The following GHR variants were observed in gnomAD, a reference collection of about 807,000 sequenced individuals.
GHR encodes the protein growth hormone receptor, also known as GH receptor.
Under a neutral mutation model 67.1 loss-of-function variants are expected in GHR, and 35 were observed. The observed-to-expected ratio is 0.52, with a 90% confidence interval of 0.40 to 0.69. The LOEUF is 0.69. Ranked by LOEUF, GHR falls within the 30% of genes least tolerant of loss-of-function variation. The pLI, the probability that GHR is intolerant of heterozygous loss-of-function variation, is 0.00. For synonymous variants in GHR, 272 were observed against 269.1 expected, an observed-to-expected ratio of 1.01 and a Z score of -0.10; for missense variants, 792 against 764.6, an observed-to-expected ratio of 1.04 and a Z score of -0.42.
chr5:42,699,685 A>G, intron 5 of GHR, 139 bp from the exon 6 acceptor site: 2 of 695,446 alleles, frequency 2.9e-6, no homozygotes, highest in Non-Finnish European at 5.2e-6. Flanking sequence ...AGTGAAAGTT[A>G]TAATAAGAAA....
chr5:42,575,906 C>T (rs1455105274), intron 2 of GHR, among the ~76,000 whole-genome samples: 1 of 151,266 alleles, frequency 6.6e-6, no homozygotes, highest in African/African-American at 2.4e-5. Context: ...GGGTGGCGGG[C>T]ACCTGTAGTC....
chr5:42,496,073 G>T (rs1009842954), intron 1 of GHR, among the ~76,000 whole-genome samples: 3 of 152,148 alleles, frequency 2.0e-5, no homozygotes, highest in Non-Finnish European at 4.4e-5. Flanking sequence ...TTGGTAAAAA[G>T]TATTACAAAT....
chr5:42,559,907 C>A (rs1173882692), intron 1 of GHR, among the ~76,000 whole-genome samples: 1 of 151,964 alleles, frequency 6.6e-6, no homozygotes, highest in Non-Finnish European at 1.5e-5. Flanking sequence ...TTTTAAATGC[C>A]CTTTTGGGTT....
chr5:42,540,752 A>C (rs1489024041), intron 1 of GHR, among the ~76,000 whole-genome samples: 1 of 151,006 alleles, frequency 6.6e-6, no homozygotes, highest in African/African-American at 2.4e-5. Flanking sequence ...AGAAGGCTGC[A>C]ACAACCACAA....
At position 42,672,452 on chromosome 5, in the gene GHR, T is replaced by C. The variant is rs554645626; in HGVS notation, c.137-16438T>C. 2.6e-5 allele frequency among the ~76,000 whole-genome samples: 4 copies of C among 152,190 alleles called. No homozygotes were observed. In the East Asian group the frequency reaches 7.7e-4, roughly 29 times the overall value. On this transcript the variant is annotated intron_variant, in intron 3 of 9. Coordinates refer to ENST00000230882, the MANE Select transcript of GHR (RefSeq NM_000163.5). The stretch of plus-strand genomic sequence containing the variant: ...TACATCTAACCAAGGAGATGAAAGA[T>C]CTCATAATGCTGCACAAGTACAGCC...
At chr5:42,676,061 A>G (rs887363817) in intron 3 of GHR, among the ~76,000 whole-genome samples, 4 of 152,262 alleles carry the variant, frequency 2.6e-5, no homozygotes, top group South Asian at 2.1e-4. Flanking sequence ...CCAAGGCGGG[A>G]AGATCATGAG....
At chr5:42,636,792 C>T (rs1255453776) in intron 3 of GHR, among the ~76,000 whole-genome samples, 1 of 152,074 alleles carries the variant, frequency 6.6e-6, no homozygotes, top group Non-Finnish European at 1.5e-5. Flanking sequence ...TTTGACAAAG[C>T]GTTCAAATGT....
At chr5:42,481,533 CGTAGAT>C (rs1429614790) in intron 1 of GHR, among the ~76,000 whole-genome samples, 6 of 152,172 alleles carry the variant, frequency 3.9e-5, no homozygotes, top group Admixed American at 3.9e-4. Flanking sequence ...ACCAATCAGA[CGTAGAT>C]TTGGTCTTTT....
chr5:42,449,960 C>T (rs1470875866), intron 1 of GHR, among the ~76,000 whole-genome samples: 1 of 151,916 alleles, frequency 6.6e-6, no homozygotes, highest in African/African-American at 2.4e-5. Flanking sequence ...AAACCTACAT[C>T]CCTGGTATGA....
chr5:42,705,706 C>T (rs901090955), intron 6 of GHR, among the ~76,000 whole-genome samples: 1 of 152,076 alleles, frequency 6.6e-6, no homozygotes, highest in Non-Finnish European at 1.5e-5. Flanking sequence ...GCCTCCAGCT[C>T]CATCCATGTG....
Position 42,721,559 on chromosome 5 carries a change from A to G in GHR, c.*2135A>G, listed in dbSNP as rs1221886917. The G allele has an allele frequency of 1.3e-5, 2 of 152,656 alleles. No homozygotes were observed. Among genetic ancestry groups the G allele is most frequent in the Non-Finnish European group, 2.9e-5 (2 of 68,040 alleles). 9.5% of individuals were successfully genotyped at this position (152,656 alleles called of 1,614,324 possible). On this transcript the variant is annotated 3_prime_UTR_variant, in exon 10 of 10. Transcript: ENST00000230882. ...CAAGAGCTACATAATTTAGTTTCAT[A>G]TAAAGTATCATCAGTGTAGAACCTA...
intron 1 of GHR, among the ~76,000 whole-genome samples, chr5:42,542,785 A>AC (rs1189198725): frequency 6.6e-6 from 1 of 151,462 alleles, no homozygotes; most frequent in Non-Finnish European, 1.5e-5. Flanking sequence ...TCCCTCAGCC[A>AC]CCCCTACCCC....
intron 2 of GHR, among the ~76,000 whole-genome samples, chr5:42,610,054 T>C (rs188217164): frequency 1.3e-5 from 2 of 152,300 alleles, no homozygotes; most frequent in Admixed American, 1.3e-4. Context: ...AAGTGTGATA[T>C]AGGAGTTACT....
chr5:42,518,903 CT>C (rs1432591576), intron 1 of GHR, among the ~76,000 whole-genome samples: 1 of 152,144 alleles, frequency 6.6e-6, no homozygotes, highest in Admixed American at 6.6e-5. Context: ...GTTAAACTCT[CT>C]GTTAGTCATG....
At chr5:42,466,886 GTTGTTC>G in intron 1 of GHR, 1 of 1,467,690 alleles carries the variant, frequency 6.8e-7, no homozygotes, top group Non-Finnish European at 9.1e-7. Context: ...TTCCTTACTT[GTTGTTC>G]AACAAGATGG....
At chr5:42,627,867 G>GC (rs1753782416) in intron 2 of GHR, among the ~76,000 whole-genome samples, 3 of 152,232 alleles carry the variant, frequency 2.0e-5, no homozygotes, top group Non-Finnish European at 4.4e-5. Flanking sequence ...ACAGCTTTCT[G>GC]TATCCCAAGC....
At chr5:42,710,789 G>A (rs930647956) in intron 6 of GHR, among the ~76,000 whole-genome samples, 2 of 152,092 alleles carry the variant, frequency 1.3e-5, no homozygotes, top group Non-Finnish European at 2.9e-5. Flanking sequence ...ACTTGCTATG[G>A]CTACAATTTA....
rs539930030 is a variant in GHR, at chr5:42,626,863, T to G, written c.71-2175T>G. On this transcript the variant is annotated intron_variant, in intron 2 of 9. Transcript: ENST00000230882. ...CCATGCTGACCCTCTAAGAATAACT[T>G]AGAGGTAACGTGATCAGATGTGGGG... Among the ~76,000 whole-genome samples, 38 of 152,240 alleles carry G rather than the reference T, an allele frequency of 2.5e-4. 1 individual carries two copies. In the South Asian group the frequency reaches 7.5e-3, roughly 30 times the overall value.
intron 2 of GHR, among the ~76,000 whole-genome samples, chr5:42,610,666 G>GAA (rs112288959): frequency 2.1e-5 from 3 of 142,820 alleles, no homozygotes; most frequent in Admixed American, 7.0e-5. Context: ...AATCCCAGTG[G>GAA]AAAAAAAAAA....
Sources: gnomAD v4.1 joint callset for allele counts (sites outside exome capture counted in the v4.1 genomes callset) on GRCh38, gnomAD v4.1.1 for gene constraint, MANE v1.5 for transcripts, NCBI Gene and HGNC (gene_info 2026-07-23, HGNC 2026-07-21) for gene names.